Variants in TRIO observed in about 807,000 individuals in gnomAD.
TRIO encodes trio Rho guanine nucleotide exchange factor, also known as triple functional domain protein.
Under a neutral mutation model 351.9 loss-of-function variants are expected in TRIO, and 58 were observed. That is an observed-to-expected ratio of 0.16 (90% CI 0.13 to 0.21). TRIO has a LOEUF of 0.21. Ranked by LOEUF, TRIO falls within the 10% of genes least tolerant of loss-of-function variation. The pLI is 1.00. For missense variants in TRIO, 3,201 were observed against 4,027.8 expected (o/e 0.79, Z 5.56); for synonymous variants, 1,758 against 1,595.7 (o/e 1.10, Z -2.42).
At chr5:14,371,419 C>T (rs781359508) in intron 18 of TRIO, among the ~76,000 whole-genome samples, 7 of 152,248 alleles carry the variant, frequency 4.6e-5, no homozygotes, top group Non-Finnish European at 8.8e-5. Flanking sequence ...TCCTATTTTA[C>T]TCCTTACCCA....
Position 14,242,286 on chromosome 5 carries a change from T to C in TRIO, c.158-28539T>C, listed in dbSNP as rs1173551469. On this transcript the variant is annotated intron_variant, in intron 1 of 56. Transcript: ENST00000344204. ...CATTTCTTTACTGTGGCCTCAGATATGAATGTATGTATTATATGTATATAA... is the reference window on the plus strand; with the variant it reads ...CATTTCTTTACTGTGGCCTCAGATACGAATGTATGTATTATATGTATATAA... 1.3e-5 allele frequency among the ~76,000 whole-genome samples: 2 copies of C among 152,228 alleles called. 1 individual carries two copies. The highest frequency in any genetic ancestry group is 3.8e-4 in the East Asian group (2 of 5,202).
intron 9 of TRIO, among the ~76,000 whole-genome samples, chr5:14,329,840 G>A (rs371371375): frequency 2.6e-5 from 4 of 152,090 alleles, no homozygotes; most frequent in African/African-American, 7.2e-5. Context: ...CTGCATGATC[G>A]CCCACATATA....
At position 14,297,298 on chromosome 5, in the gene TRIO, A is replaced by G. The variant is rs752417367; in HGVS notation, c.1368+35A>G. 1.8e-5 allele frequency: 29 copies of G among 1,594,002 alleles called. No individual in the cohort carries two copies. In the South Asian group the frequency reaches 2.7e-4, roughly 15 times the overall value. ...TTGAACCCCCAGCCCACGAGGTGGTAACCAGAATAGTTCTTCCTCCATGAA... is the reference window on the plus strand; with the variant it reads ...TTGAACCCCCAGCCCACGAGGTGGTGACCAGAATAGTTCTTCCTCCATGAA... On this transcript the variant is annotated intron_variant, in intron 7 of 56. Coordinates refer to ENST00000344204, the MANE Select transcript of TRIO (RefSeq NM_007118.4).
intron 1 of TRIO, among the ~76,000 whole-genome samples, chr5:14,255,558 C>A (rs1794979433): frequency 6.6e-6 from 1 of 152,174 alleles, no homozygotes; most frequent in African/African-American, 2.4e-5. Context: ...CGTCCCTCCT[C>A]TGAAATGCTG....
At chr5:14,440,625 A>T (rs1320673757) in intron 34 of TRIO, among the ~76,000 whole-genome samples, 2 of 152,192 alleles carry the variant, frequency 1.3e-5, no homozygotes, top group East Asian at 3.8e-4. Flanking sequence ...AAGAATGAAG[A>T]TATGTTTTTA....
At chr5:14,346,429 G>C (rs1007819033) in intron 11 of TRIO, among the ~76,000 whole-genome samples, 3 of 152,152 alleles carry the variant, frequency 2.0e-5, no homozygotes, top group Non-Finnish European at 4.4e-5. Flanking sequence ...TTAGATCCCT[G>C]GGTACCAAAA....
At chr5:14,298,164 G>T (rs533014302) in intron 7 of TRIO, among the ~76,000 whole-genome samples, 11 of 152,294 alleles carry the variant, frequency 7.2e-5, no homozygotes, top group African/African-American at 2.6e-4. Context: ...GGCTTCATTT[G>T]TTGACAGATG....
intron 48 of TRIO, among the ~76,000 whole-genome samples, chr5:14,492,036 T>G (rs938695243): frequency 6.6e-6 from 1 of 152,252 alleles, no homozygotes; most frequent in Admixed American, 6.5e-5. Context: ...TAGAAATGAT[T>G]AGGCATGTCA....
chr5:14,449,755 C>T (rs540883361), intron 34 of TRIO, among the ~76,000 whole-genome samples: 34 of 152,330 alleles, frequency 2.2e-4, no homozygotes, highest in African/African-American at 7.5e-4. Context: ...AGTAATTGGA[C>T]TCTTTCTTCA....
chr5:14,304,686 G>A, intron 8 of TRIO, 94 bp downstream of exon 8: 1 of 1,413,760 alleles, frequency 7.1e-7, no homozygotes, highest in Non-Finnish European at 9.6e-7. Flanking sequence ...GGGTAGCCCA[G>A]AAAAAGTTTA....
rs1457286587 is a variant in TRIO, at chr5:14,143,613, C to T, written c.-113C>T. 1.3e-5 allele frequency: 4 copies of T among 306,518 alleles called. No homozygotes were observed. The highest frequency in any genetic ancestry group is 4.6e-5 in the African/African-American group (2 of 43,766). 19.0% of individuals were successfully genotyped at this position (306,518 alleles called of 1,614,324 possible). On this transcript the variant is annotated 5_prime_UTR_variant, in exon 1 of 57. Transcript: ENST00000344204. Reference sequence around the variant, plus strand: ...GCCCCGGGGCTCTGCGTCCGCGCGCCGGGCGCGGGCAGCTGGGTGCTCGGC... The same window carrying T: ...GCCCCGGGGCTCTGCGTCCGCGCGCTGGGCGCGGGCAGCTGGGTGCTCGGC...
chr5:14,498,496 G>A (rs745817969), intron 52 of TRIO, 23 bp from the exon 53 acceptor site: 2 of 1,609,480 alleles, frequency 1.2e-6, no homozygotes, highest in African/African-American at 1.3e-5. Flanking sequence ...CTGATGCGCA[G>A]TGTGTTCCCA....
rs1390713130 is a variant in TRIO at position 14,143,885 on chromosome 5, G to A, written c.157+3G>A. On this transcript the variant is annotated splice_donor_region_variant and intron_variant, in intron 1 of 56. Coordinates refer to ENST00000344204, the MANE Select transcript of TRIO (RefSeq NM_007118.4). ...CATCGCGGCCTTCTTCCGATCCGGT[G>A]AGTGCAACTGCGGCCGGCCCGCCCA... 4.6e-6 allele frequency: 5 copies of A among 1,077,430 alleles called. No homozygotes were observed. The highest frequency in any genetic ancestry group is 3.7e-4 in the Middle Eastern group (1 of 2,670). 66.7% of individuals were successfully genotyped at this position (1,077,430 alleles called of 1,614,324 possible). A position where few individuals can be genotyped will look rare whatever the true frequency, so the allele number is the denominator to read the frequency against.
At chr5:14,280,491 G>A in intron 3 of TRIO, 55 bp downstream of exon 3, 1 of 1,456,092 alleles carries the variant, frequency 6.9e-7, no homozygotes, top group South Asian at 1.1e-5. Context: ...AAGAGATGTG[G>A]CGCTATACTC....
intron 1 of TRIO, among the ~76,000 whole-genome samples, chr5:14,209,106 T>C (rs1791719326): frequency 6.6e-6 from 1 of 152,232 alleles, no homozygotes; most frequent in Non-Finnish European, 1.5e-5. Context: ...TAGATTACAT[T>C]CCTGTTTTCC....
At chr5:14,401,219 G>A (rs1488030103) in intron 31 of TRIO, among the ~76,000 whole-genome samples, 155 bp downstream of exon 31, 1 of 152,154 alleles carries the variant, frequency 6.6e-6, no homozygotes, top group African/African-American at 2.4e-5. Context: ...AAAGAATAGT[G>A]GAATAAATTC....
intron 18 of TRIO, 82 bp from the exon 19 acceptor site, chr5:14,374,147 C>T (rs568920140): frequency 2.0e-5 from 19 of 947,136 alleles, no homozygotes; most frequent in South Asian, 4.7e-5. Flanking sequence ...TAAAGACATA[C>T]GTTAGAGTGC....
At chr5:14,378,667 C>G (rs1212041407) in intron 20 of TRIO, among the ~76,000 whole-genome samples, 1 of 151,832 alleles carries the variant, frequency 6.6e-6, no homozygotes, top group Non-Finnish European at 1.5e-5. Flanking sequence ...TCAAGTGATT[C>G]TCCTGCCTCA....
At chr5:14,380,646 A>C (rs1415324770) in intron 20 of TRIO, among the ~76,000 whole-genome samples, 2 of 152,176 alleles carry the variant, frequency 1.3e-5, no homozygotes, top group Non-Finnish European at 2.9e-5. Context: ...AAATTAGTTC[A>C]TTACGACAGT....
Sources: allele counts gnomAD v4.1 joint callset (sites outside exome capture counted in the v4.1 genomes callset), GRCh38; gene constraint gnomAD v4.1.1; transcripts MANE v1.5; gene names NCBI Gene and HGNC (gene_info 2026-07-23, HGNC 2026-07-21).